FAM156A: variants seen among roughly 807,000 people sequenced by gnomAD.
The protein encoded by FAM156A is family with sequence similarity 156 member A.
intron 1 of FAM156A, among the ~76,000 whole-genome samples, chrX:52,989,898 T>G (rs1276059117): frequency 1.8e-5 from 2 of 112,427 alleles, no homozygotes; most frequent in Admixed American, 9.4e-5. Context: ...CAGTGCATCT[T>G]GTAGAAGAAA....
chrX:52,987,655 A>G (rs1248092516), intron 1 of FAM156A, among the ~76,000 whole-genome samples: 2 of 110,795 alleles, frequency 1.8e-5, no homozygotes, highest in African/African-American at 6.6e-5. Context: ...CTCAAAAAAA[A>G]AAAAAAAAAT....
Position 52,986,624 on chromosome X carries a change from A to C in FAM156A, c.-434+8682T>G, listed in dbSNP as rs1930307936. Among the ~76,000 whole-genome samples the C allele has an allele frequency of 2.7e-5, 3 of 111,234 alleles. 1 individual carries two copies. In the Admixed American group the frequency reaches 2.9e-4, roughly 11 times the overall value. ...CACATGGTCACAACAGTTGATACAG[A>C]TAAAGCCTTTGACAAAATTCAACAG... On this transcript the variant is annotated intron_variant, in intron 1 of 4. Transcript: ENST00000610625.
chrX:52,976,484 T>C (rs1556792285), intron 1 of FAM156A, among the ~76,000 whole-genome samples: 3 of 111,361 alleles, frequency 2.7e-5, no homozygotes, highest in Non-Finnish European at 5.7e-5. Flanking sequence ...TGAGTAATAA[T>C]AAGGAAGAAA....
intron 1 of FAM156A, among the ~76,000 whole-genome samples, chrX:52,990,555 G>A (rs1233513797): frequency 5.4e-5 from 6 of 110,872 alleles, no homozygotes; most frequent in Non-Finnish European, 1.1e-4. Flanking sequence ...AGGCCAAGGC[G>A]GGTGGATCAC....
intron 1 of FAM156A, among the ~76,000 whole-genome samples, chrX:52,988,373 AATAGTATAGTG>A (rs2146625246): frequency 9.6e-6 from 1 of 104,030 alleles, no homozygotes; most frequent in South Asian, 4.0e-4. Context: ...TGGAAAAGAC[AATAGTATAGTG>A]ATAAGAGAAC....
chrX:52,980,372 G>T (rs993508144), intron 1 of FAM156A, among the ~76,000 whole-genome samples: 1 of 112,003 alleles, frequency 8.9e-6, no homozygotes, highest in Admixed American at 9.5e-5. Flanking sequence ...AGCGGGAGAT[G>T]TTGGTAGTGT....
chrX:52,995,067 G>A (rs1180670306), intron 1 of FAM156A, among the ~76,000 whole-genome samples: 1 of 111,337 alleles, frequency 9.0e-6, no homozygotes, highest in Non-Finnish European at 1.9e-5. Context: ...ACACAATCTG[G>A]ACCCCAAACG....
chrX:52,991,754 G>GC (rs1294252710), intron 1 of FAM156A, among the ~76,000 whole-genome samples: 4 of 110,535 alleles, frequency 3.6e-5, no homozygotes, highest in Non-Finnish European at 5.7e-5. Context: ...CAGAATAGTG[G>GC]CCCCCCAAAC....
intron 1 of FAM156A, among the ~76,000 whole-genome samples, chrX:52,991,931 G>A (rs1224760204): frequency 9.4e-6 from 1 of 106,721 alleles, no homozygotes; most frequent in Admixed American, 1.0e-4. Context: ...GATGACAGAC[G>A]AGCAAAGGGA....
rs782721116 is a variant in FAM156A at position 52,978,546 on chromosome X, G to A, written c.-433-14311C>T. ...AGTGAGTGCTGGAACCAAGAGCCAC[G>A]GGCATCGCGAAAACTCTACTGTGCT... is the stretch of plus-strand genomic sequence containing the variant. On this transcript the variant is annotated intron_variant, in intron 1 of 4. Transcript: ENST00000610625. Among the ~76,000 whole-genome samples the A allele has an allele frequency of 1.5e-3, 169 of 112,406 alleles. 1 individual carries two copies. Among genetic ancestry groups the A allele is most frequent in the Non-Finnish European group, 1.2e-3 (64 of 53,281 alleles).
intron 1 of FAM156A, among the ~76,000 whole-genome samples, chrX:52,976,714 T>C (rs1388913373): frequency 9.0e-6 from 1 of 111,605 alleles, no homozygotes; most frequent in African/African-American, 3.3e-5. Flanking sequence ...GTGACAAGGA[T>C]GTTGCTGCTA....
At chrX:52,982,736 A>G (rs924066803) in intron 1 of FAM156A, among the ~76,000 whole-genome samples, 3 of 112,797 alleles carry the variant, frequency 2.7e-5, no homozygotes, top group Non-Finnish European at 3.7e-5. Context: ...ATCAACCAAT[A>G]ATACACATCA....
chrX:52,991,601 T>C (rs1930778409), intron 1 of FAM156A, among the ~76,000 whole-genome samples: 1 of 112,053 alleles, frequency 8.9e-6, no homozygotes, highest in African/African-American at 3.3e-5. Context: ...CTCTGTGAAC[T>C]GCCTGCGACA....
intron 1 of FAM156A, among the ~76,000 whole-genome samples, chrX:52,975,634 T>C (rs1367456311): frequency 9.0e-6 from 1 of 111,485 alleles, no homozygotes; most frequent in Non-Finnish European, 1.9e-5. Context: ...TGAGTCTAAC[T>C]ATTGCACTAT....
rs781901590 is a variant in FAM156A at position 52,977,087 on chromosome X, T to C, written c.-433-12852A>G. Among the ~76,000 whole-genome samples, 223 of 93,970 alleles carry C rather than the reference T, an allele frequency of 2.4e-3. 1 individual carries two copies. The highest frequency in any genetic ancestry group is 7.2e-3 in the South Asian group (15 of 2,089). 81.6% of individuals were successfully genotyped at this position (93,970 alleles called of 115,157 possible). A position where few individuals can be genotyped will look rare whatever the true frequency, so the allele number is the denominator to read the frequency against. On this transcript the variant is annotated intron_variant, in intron 1 of 4. Coordinates refer to the FAM156A transcript ENST00000610625. ...ATACATATACATATATACATATATA[T>C]ACACACACACACACACACATATATA...
At chrX:52,986,928 A>G (rs1930335324) in intron 1 of FAM156A, among the ~76,000 whole-genome samples, 1 of 112,277 alleles carries the variant, frequency 8.9e-6, no homozygotes, top group African/African-American at 3.2e-5. Flanking sequence ...ACTCACAGAC[A>G]TTATTATAAT....
intron 1 of FAM156A, among the ~76,000 whole-genome samples, chrX:52,979,447 T>C (rs981105253): frequency 9.0e-6 from 1 of 110,959 alleles, no homozygotes; most frequent in Non-Finnish European, 1.9e-5. Context: ...TGTCAGGACT[T>C]AGGACCAATG....
intron 1 of FAM156A, among the ~76,000 whole-genome samples, chrX:52,973,992 A>T (rs1463574989): frequency 9.0e-6 from 1 of 110,625 alleles, no homozygotes; most frequent in Non-Finnish European, 1.9e-5. Context: ...AAAGTTTCTT[A>T]TTTAGAAAAA....
intron 1 of FAM156A, among the ~76,000 whole-genome samples, chrX:52,976,472 G>C (rs1357373058): frequency 1.8e-5 from 2 of 111,566 alleles, no homozygotes; most frequent in Non-Finnish European, 3.8e-5. Flanking sequence ...AGAAACAGTG[G>C]CTGAGTAATA....
Sources: gnomAD v4.1 joint callset for allele counts (sites outside exome capture counted in the v4.1 genomes callset) on GRCh38, gnomAD v4.1.1 for gene constraint, MANE v1.5 for transcripts, NCBI Gene and HGNC (gene_info 2026-07-23, HGNC 2026-07-21) for gene names.